Variants in C12orf42 observed in about 807,000 individuals in gnomAD.
The protein encoded by C12orf42 is uncharacterized protein C12orf42.
A neutral mutation model predicts 21.6 loss-of-function variants in C12orf42; 25 were observed. That is an observed-to-expected ratio of 1.16 (90% CI 0.84 to 1.62). C12orf42 has a LOEUF of 1.62. Among genes scored for constraint, C12orf42 ranks in the 40% most tolerant of loss-of-function variants. C12orf42 has a pLI of 0.00. For missense variants in C12orf42, 483 were observed against 459.3 expected (o/e 1.05, Z -0.47); for synonymous variants, 174 against 175.0 (o/e 0.99, Z 0.05).
the C12orf42 span, among the ~76,000 whole-genome samples, chr12:103,104,156 T>C: frequency 6.6e-6 from 1 of 152,188 alleles, no homozygotes; most frequent in Non-Finnish European, 1.5e-5. Flanking sequence ...CATATGTATC[T>C]GTATAAGTAA....
chr12:103,530,514 T>C, the C12orf42 span, among the ~76,000 whole-genome samples: 1 of 152,186 alleles, frequency 6.6e-6, no homozygotes. Flanking sequence ...CAGCTTCTCA[T>C]TATGAGGCAT....
the C12orf42 span, among the ~76,000 whole-genome samples, chr12:103,550,949 G>C: frequency 1.3e-5 from 2 of 151,948 alleles, no homozygotes; most frequent in South Asian, 4.1e-4. Flanking sequence ...ATTATCTATA[G>C]TTTTCTTTTT....
chr12:103,446,760 C>A (rs2137400662), intron 2 of C12orf42, among the ~76,000 whole-genome samples: 1 of 151,844 alleles, frequency 6.6e-6, no homozygotes, highest in East Asian at 1.9e-4. Context: ...TTTAAAAAGA[C>A]AAAGAGGGAC....
At chr12:103,434,917 C>A (rs916261851) in intron 2 of C12orf42, among the ~76,000 whole-genome samples, 35 of 152,246 alleles carry the variant, frequency 2.3e-4, no homozygotes, top group African/African-American at 8.2e-4. Context: ...AGGAGGCCTG[C>A]CTGCCTCTGC....
chr12:103,437,631 A>G (rs1307637434), intron 2 of C12orf42, among the ~76,000 whole-genome samples: 2 of 152,230 alleles, frequency 1.3e-5, no homozygotes, highest in African/African-American at 4.8e-5. Context: ...AAACACCTCT[A>G]TGCAAATAAA....
At chr12:103,197,428 A>T in the C12orf42 span, among the ~76,000 whole-genome samples, 2 of 152,230 alleles carry the variant, frequency 1.3e-5, no homozygotes, top group Non-Finnish European at 2.9e-5. Flanking sequence ...TGGGTCATTC[A>T]TAAAATGACT....
In C12orf42 at chr12:103,350,758, T is replaced by A. The variant is rs78419235; in HGVS notation, c.259+18129A>T. On this transcript the variant is annotated intron_variant, in intron 4 of 5. Coordinates refer to ENST00000548883, the MANE Select transcript of C12orf42 (RefSeq NM_198521.5). ...TAGCACTTTGTTATTGTCCCACACATCCTTGATAATGTTCTTTTCTCTCAG... is the reference window on the plus strand; with the variant it reads ...TAGCACTTTGTTATTGTCCCACACAACCTTGATAATGTTCTTTTCTCTCAG... Among the ~76,000 whole-genome samples the A allele has an allele frequency of 0.013, 1,973 of 152,230 alleles. 130 individuals carry two copies. In the East Asian group the frequency reaches 0.22, roughly 17 times the overall value.
At chr12:103,478,005 A>C (rs553208353) in intron 2 of C12orf42, 1 of 191,268 alleles carries the variant, frequency 5.2e-6, no homozygotes, top group East Asian at 1.7e-4. Context: ...ACTTCTTAGG[A>C]ACAATACCAG....
chr12:103,348,796 A>AG (rs565862348), intron 4 of C12orf42, among the ~76,000 whole-genome samples: 9 of 152,324 alleles, frequency 5.9e-5, no homozygotes, highest in African/African-American at 2.2e-4. Context: ...GATGAACAGC[A>AG]AAGACCAATC....
chr12:103,219,046 G>A, the C12orf42 span, among the ~76,000 whole-genome samples: 1 of 152,228 alleles, frequency 6.6e-6, no homozygotes, highest in East Asian at 1.9e-4. Context: ...AGTGGCACCT[G>A]GAATGCCAGG....
intron 4 of C12orf42, among the ~76,000 whole-genome samples, chr12:103,328,146 A>G (rs573377420): frequency 6.6e-6 from 1 of 152,252 alleles, no homozygotes; most frequent in African/African-American, 2.4e-5. Context: ...CATGTTAGCA[A>G]TCTCATCAAG....
At chr12:103,145,268 A>T in the C12orf42 span, among the ~76,000 whole-genome samples, 1 of 152,172 alleles carries the variant, frequency 6.6e-6, no homozygotes, top group Non-Finnish European at 1.5e-5. Flanking sequence ...TACTCCACAA[A>T]GGTAATTCTT....
intron 10 of C12orf42, among the ~76,000 whole-genome samples, chr12:103,256,560 G>A (rs1238122696): frequency 1.3e-5 from 2 of 152,042 alleles, no homozygotes; most frequent in Admixed American, 6.6e-5. Flanking sequence ...ACCACAGTGG[G>A]CCAATTTGAG....
At chr12:103,124,131 C>T in the C12orf42 span, among the ~76,000 whole-genome samples, 1 of 131,888 alleles carries the variant, frequency 7.6e-6, no homozygotes, top group Non-Finnish European at 1.6e-5. Flanking sequence ...AATTGATCCA[C>T]ATTTGGTCTA....
rs547701103 is a variant in C12orf42 at position 103,243,234 on chromosome 12, C to G, written c.*1367-5332G>C. On this transcript the variant is annotated intron_variant and NMD_transcript_variant, in intron 10 of 10. Coordinates refer to the C12orf42 transcript ENST00000547347. ...CAGAGATGAGGTCTCACTATATTGC[C>G]GAGGCTGATCTCATACTCCTGGACT... Among the ~76,000 whole-genome samples, 3 of 151,980 alleles carry G rather than the reference C, an allele frequency of 2.0e-5. No individual in the cohort carries two copies. The East Asian group carries it at 5.8e-4, about 29-fold the overall frequency.
At chr12:103,430,775 A>G (rs1950207234) in intron 2 of C12orf42, among the ~76,000 whole-genome samples, 1 of 152,226 alleles carries the variant, frequency 6.6e-6, no homozygotes, top group Middle Eastern at 3.2e-3. Flanking sequence ...ATGGAATACT[A>G]TGCAGCCACA....
the C12orf42 span, among the ~76,000 whole-genome samples, chr12:103,506,868 AT>A: frequency 8.4e-5 from 6 of 71,430 alleles, no homozygotes; most frequent in Non-Finnish European, 1.5e-4. Context: ...TTATATATAT[AT>A]ATTTATATAT....
the C12orf42 span, among the ~76,000 whole-genome samples, chr12:103,150,592 C>T: frequency 6.6e-6 from 1 of 152,172 alleles, no homozygotes; most frequent in African/African-American, 2.4e-5. Context: ...CAGAGTGAAG[C>T]AGAATCACTT....
In C12orf42 at chr12:103,431,903, G is replaced by A. The variant is rs117458947; in HGVS notation, c.79-30228C>T. On this transcript the variant is annotated intron_variant, in intron 2 of 5. Transcript: ENST00000548883. ...CATAAGGCAGGAGAGAAAGAGGCAGGCTTTAGAGCAGGAGTGAGTTTATTT... is the reference window on the plus strand; with the variant it reads ...CATAAGGCAGGAGAGAAAGAGGCAGACTTTAGAGCAGGAGTGAGTTTATTT... Among the ~76,000 whole-genome samples the A allele has an allele frequency of 7.3e-3, 1,110 of 152,294 alleles. 3 individuals are homozygous for A. Among genetic ancestry groups the A allele is most frequent in the Non-Finnish European group, 0.011 (771 of 68,034 alleles).
Sources: gnomAD v4.1 joint callset for allele counts (sites outside exome capture counted in the v4.1 genomes callset) on GRCh38, gnomAD v4.1.1 for gene constraint, MANE v1.5 for transcripts, NCBI Gene and HGNC (gene_info 2026-07-23, HGNC 2026-07-21) for gene names.